Variants in KYAT3 observed in about 807,000 individuals in gnomAD.
KYAT3 encodes the protein kynurenine aminotransferase 3, also known as kynurenine--oxoglutarate transaminase 3.
KYAT3 carries 50 observed loss-of-function variants against 59.0 expected under a neutral mutation model. The observed-to-expected ratio is 0.85, with a 90% CI of 0.68 to 1.07. The LOEUF (loss-of-function observed/expected upper bound fraction) is 1.07, where lower values mean the gene tolerates loss of function less well. KYAT3 is among the 50% of genes least tolerant of loss of function. KYAT3 has a pLI of 0.00. For missense variants in KYAT3, 497 were observed against 533.3 expected, an observed-to-expected ratio of 0.93 and a Z score of 0.67; for synonymous variants, 148 against 177.0, an observed-to-expected ratio of 0.84 and a Z score of 1.30.
intron 6 of KYAT3, among the ~76,000 whole-genome samples, chr1:88,961,815 C>T (rs983870831): frequency 2.0e-5 from 3 of 152,174 alleles, no homozygotes; most frequent in African/African-American, 7.2e-5. Context: ...TATTACTTCA[C>T]AGGAACTAGC....
At chr1:88,969,849 G>C (rs991356567) in intron 2 of KYAT3, among the ~76,000 whole-genome samples, 1 of 151,948 alleles carries the variant, frequency 6.6e-6, no homozygotes, top group African/African-American at 2.4e-5. Context: ...ATAGAGACAG[G>C]GTCTTGTGGT....
chr1:88,956,942 G>C (rs777063548), intron 8 of KYAT3, among the ~76,000 whole-genome samples: 7 of 151,736 alleles, frequency 4.6e-5, no homozygotes, highest in Non-Finnish European at 8.8e-5. Flanking sequence ...AAGCACAAGT[G>C]GGGGCTCTTG....
intron 2 of KYAT3, chr1:88,981,546 T>G (rs1224269130): frequency 6.4e-6 from 1 of 156,194 alleles, no homozygotes; most frequent in African/African-American, 2.4e-5. Context: ...GATGCCTTCC[T>G]GAGATCCACA....
At chr1:88,991,587 G>A (rs1338627063) in intron 1 of KYAT3, among the ~76,000 whole-genome samples, 1 of 152,216 alleles carries the variant, frequency 6.6e-6, no homozygotes, top group Admixed American at 6.5e-5. Context: ...GGAAGGATGC[G>A]CTTCAAAGCC....
intron 2 of KYAT3, among the ~76,000 whole-genome samples, chr1:88,975,253 A>G (rs1175881336): frequency 6.6e-6 from 1 of 152,224 alleles, no homozygotes; most frequent in African/African-American, 2.4e-5. Context: ...AGCGAGACCA[A>G]GAACCCACAG....
chr1:88,969,865 C>T (rs1676486805), intron 2 of KYAT3, among the ~76,000 whole-genome samples: 1 of 151,874 alleles, frequency 6.6e-6, no homozygotes, highest in African/African-American at 2.4e-5. Flanking sequence ...GTGGTGTTGC[C>T]CAGGTTGGTC....
chr1:88,939,838 G>A (rs17471884), intron 13 of KYAT3, among the ~76,000 whole-genome samples: 16,140 of 151,816 alleles, frequency 0.11, 920 homozygotes, highest in Middle Eastern at 0.19. Context: ...AACTCTGATA[G>A]CTCCCATTTG....
chr1:88,969,680 T>C (rs1035820259), intron 2 of KYAT3, among the ~76,000 whole-genome samples: 2 of 152,014 alleles, frequency 1.3e-5, no homozygotes, highest in South Asian at 4.1e-4. Context: ...CAGACGTGGT[T>C]GCCCAGGCTG....
At chr1:88,928,947 C>T in the KYAT3 span, among the ~76,000 whole-genome samples, 1 of 152,136 alleles carries the variant, frequency 6.6e-6, no homozygotes, top group Non-Finnish European at 1.5e-5. Context: ...TAGGGAGAGA[C>T]ATTCTAGCAA....
In KYAT3 at chr1:88,969,473, A is replaced by C. The variant is rs1227659142; in HGVS notation, c.100-6T>G. 6.5e-7 allele frequency: 1 copy of C among 1,531,140 alleles called. No homozygotes were observed. Among genetic ancestry groups the C allele is most frequent in the Non-Finnish European group, 9.0e-7 (1 of 1,107,518 alleles). The allele number at this position is 1,531,140 out of a possible 1,614,324, so 94.8% of individuals were successfully genotyped here. Reference sequence around the variant, plus strand: ...GTGAATTTCAGTGACATTTTCTGAAATATATAAATATTGAAAAGGAATTGC... The same window carrying C: ...GTGAATTTCAGTGACATTTTCTGAACTATATAAATATTGAAAAGGAATTGC... On this transcript the variant is annotated splice_region_variant and splice_polypyrimidine_tract_variant and intron_variant, in intron 2 of 13. Coordinates refer to ENST00000260508, the MANE Select transcript of KYAT3 (RefSeq NM_001008661.3).
intron 4 of KYAT3, among the ~76,000 whole-genome samples, chr1:88,966,345 T>C (rs1427589295): frequency 6.6e-6 from 1 of 152,212 alleles, no homozygotes; most frequent in African/African-American, 2.4e-5. Flanking sequence ...CAATATTTAG[T>C]CTCTCAATCC....
At chr1:88,936,554 T>C (rs942922434) in intron 13 of KYAT3, among the ~76,000 whole-genome samples, 11 of 152,194 alleles carry the variant, frequency 7.2e-5, no homozygotes, top group Non-Finnish European at 1.6e-4. Context: ...TATGGCAATT[T>C]CTGGATTTAG....
Position 88,968,957 on chromosome 1 carries a change from A to T in KYAT3, c.159-143T>A, listed in dbSNP as rs190490298. On this transcript the variant is annotated intron_variant, in intron 3 of 13. Transcript: ENST00000260508. ...TTTAAAAAATGAGTTTCCAACAAAA[A>T]TTTACCAACCACAAATCAGTTTACC... 83 of 583,756 alleles carry T rather than the reference A, an allele frequency of 1.4e-4. No homozygotes were observed. The East Asian group carries it at 2.7e-3, about 19-fold the overall frequency. 36.2% of individuals were successfully genotyped at this position (583,756 alleles called of 1,614,324 possible). A position where few individuals can be genotyped will look rare whatever the true frequency, so the allele number is the denominator to read the frequency against.
chr1:88,936,320 A>T, intron 13 of KYAT3, 75 bp from the exon 14 acceptor site: 2 of 1,109,482 alleles, frequency 1.8e-6, no homozygotes, highest in Non-Finnish European at 2.6e-6. Context: ...TTAAATATAC[A>T]ACATAATGAA....
Position 88,979,328 on chromosome 1 carries a change from GTTAA to G in KYAT3, c.99+8920_99+8923del, listed in dbSNP as rs1457590349. 2.0e-5 allele frequency: 3 copies of G among 152,122 alleles called. No individual in the cohort carries two copies. In the East Asian group the frequency reaches 5.8e-4, roughly 29 times the overall value. 9.4% of individuals were successfully genotyped at this position (152,122 alleles called of 1,614,324 possible). A position where few individuals can be genotyped will look rare whatever the true frequency, so the allele number is the denominator to read the frequency against. Reference sequence around the variant, plus strand: ...ACTGAGAGATGAACACTCAAAAAATGTTAATTATTATTAAGGCTTGACTTAAAAA... The same window carrying G: ...ACTGAGAGATGAACACTCAAAAAATGTTATTATTAAGGCTTGACTTAAAAA... On this transcript the variant is annotated intron_variant, in intron 2 of 13. Coordinates refer to ENST00000260508, the MANE Select transcript of KYAT3 (RefSeq NM_001008661.3).
chr1:88,925,805 T>TAAAC, the KYAT3 span, among the ~76,000 whole-genome samples: 5,382 of 151,404 alleles, frequency 0.036, 261 homozygotes, highest in African/African-American at 0.11. Flanking sequence ...ACAGAAATAG[T>TAAAC]AAACAAACAA....
chr1:88,961,124 C>T (rs377111794), intron 8 of KYAT3, 43 bp downstream of exon 8: 36 of 1,606,212 alleles, frequency 2.2e-5, no homozygotes, highest in Non-Finnish European at 3.0e-5. Context: ...TCCATATGTG[C>T]CCAAACACAT....
chr1:88,988,251 C>T lies in KYAT3; in HGVS notation c.99+1G>A. The stretch of plus-strand genomic sequence containing the variant: ...TTTATCTGTAAGTAAGCAATACCTA[C>T]AGCAGAAGTAGAGAATCCGAGGATT... On this transcript the variant is annotated splice_donor_variant, in intron 2 of 13. Coordinates refer to ENST00000260508, the MANE Select transcript of KYAT3 (RefSeq NM_001008661.3). LOFTEE classifies it high-confidence loss of function. 6.2e-7 allele frequency: 1 copy of T among 1,605,066 alleles called. No homozygotes were observed. Among genetic ancestry groups the T allele is most frequent in the Non-Finnish European group, 8.5e-7 (1 of 1,172,338 alleles).
Position 88,968,761 on chromosome 1 carries a change from C to T in KYAT3, c.212G>A (p.Gly71Asp). Residue 71 changes from glycine (G) to aspartate (D), a missense_variant, in exon 4 of 14, where the codon GGC becomes GAC. Gly to Asp is a moderately conservative substitution (Grantham distance 94). Transcript: ENST00000260508. ...TGTAGGAGGGGATATATCTGGAAAG[C>T]CTTGGCCAAGATTCACAACAGAAGG... ...ADPSVVNLGQ[G>D]FPDISPPTYV... The T allele has an allele frequency of 6.3e-7, 1 of 1,596,890 alleles. No homozygotes were observed. Among genetic ancestry groups the T allele is most frequent in the Non-Finnish European group, 8.5e-7 (1 of 1,175,458 alleles).
Sources: allele counts gnomAD v4.1 joint callset (sites outside exome capture counted in the v4.1 genomes callset), GRCh38; gene constraint gnomAD v4.1.1; transcripts MANE v1.5; gene names NCBI Gene and HGNC (gene_info 2026-07-23, HGNC 2026-07-21).